COL4A1: variants seen among roughly 807,000 people sequenced by gnomAD.
COL4A1 encodes collagen type IV alpha 1 chain.
COL4A1 carries 40 observed loss-of-function variants against 216.6 expected under a neutral mutation model. The observed-to-expected ratio is 0.18, with a 90% CI of 0.14 to 0.24. The LOEUF (loss-of-function observed/expected upper bound fraction) is 0.24. Among genes scored for constraint, COL4A1 ranks in the 10% least tolerant of loss-of-function variants. The pLI, the probability that COL4A1 is intolerant of heterozygous loss-of-function variation, is 1.00. For missense variants in COL4A1, 1,628 were observed against 2,196.8 expected (o/e 0.74, Z 5.18); for synonymous variants, 839 against 810.7 (o/e 1.03, Z -0.59).
At chr13:110,225,281 CAATT>C (rs1297878256) in intron 2 of COL4A1, among the ~76,000 whole-genome samples, 4 of 152,160 alleles carry the variant, frequency 2.6e-5, no homozygotes, top group Admixed American at 6.5e-5. Context: ...GGTAGGTACT[CAATT>C]AATATTTTCA....
At chr13:110,155,557 T>G (rs1453451694) in intron 49 of COL4A1, among the ~76,000 whole-genome samples, 160 bp from the exon 50 acceptor site, 1 of 152,116 alleles carries the variant, frequency 6.6e-6, no homozygotes, top group Non-Finnish European at 1.5e-5. Flanking sequence ...GACTCTGAGG[T>G]TTAGTACCTC....
At chr13:110,161,870 T>C in intron 48 of COL4A1, 1 of 343,580 alleles carries the variant, frequency 2.9e-6, no homozygotes, top group East Asian at 6.9e-5. Context: ...ACCTTTTTTT[T>C]TACAAAGAGC....
intron 36 of COL4A1, among the ~76,000 whole-genome samples, chr13:110,175,954 G>A (rs574807290): frequency 2.6e-5 from 4 of 152,164 alleles, no homozygotes; most frequent in East Asian, 1.9e-4. Context: ...AGCCCTTCCC[G>A]CACTCTCCTC....
chr13:110,296,306 C>T (rs1480306736), intron 1 of COL4A1, among the ~76,000 whole-genome samples: 1 of 152,178 alleles, frequency 6.6e-6, no homozygotes. Flanking sequence ...AGAATTGTGC[C>T]CTCAAGAATT....
chr13:110,180,227 G>C (rs1878082234), intron 29 of COL4A1, among the ~76,000 whole-genome samples: 1 of 152,176 alleles, frequency 6.6e-6, no homozygotes, highest in Admixed American at 6.5e-5. Context: ...CATTCCATTA[G>C]GCATTTACTA....
In COL4A1 at chr13:110,152,395, T is replaced by C; in HGVS notation, c.4867A>G (p.Asn1623Asp). Reference sequence around the variant, plus strand: ...AAGCTGTAAGCGTTTGCGTAGTAATTGCAGGTCCCACGGCCGTGACACTCG... The same window carrying C: ...AAGCTGTAAGCGTTTGCGTAGTAATCGCAGGTCCCACGGCCGTGACACTCG... Reference protein sequence around the residue: ...FIECHGRGTCNYYANAYSFWL... With the variant: ...FIECHGRGTCDYYANAYSFWL... Residue 1623 changes from asparagine (N) to aspartate (D), a missense_variant, in exon 51 of 52, where the codon AAT (asparagine) becomes GAT (aspartate). By Grantham distance (23) the Asn-to-Asp change is conservative. This residue lies in a region of COL4A1 where 254 missense variants were observed against 300.1 expected (regional missense o/e 0.85). Coordinates refer to ENST00000375820, the MANE Select transcript of COL4A1 (RefSeq NM_001845.6). 2 of 1,614,192 alleles carry C rather than the reference T, an allele frequency of 1.2e-6. No homozygotes were observed. Among genetic ancestry groups the C allele is most frequent in the Non-Finnish European group, 1.7e-6 (2 of 1,180,042 alleles).
At chr13:110,280,631 A>T (rs1883594033) in intron 1 of COL4A1, among the ~76,000 whole-genome samples, 1 of 152,268 alleles carries the variant, frequency 6.6e-6, no homozygotes, top group African/African-American at 2.4e-5. Context: ...GGACAATCCC[A>T]CGCCTACATC....
At chr13:110,248,099 C>A (rs897534886) in intron 1 of COL4A1, among the ~76,000 whole-genome samples, 1 of 152,098 alleles carries the variant, frequency 6.6e-6, no homozygotes, top group Non-Finnish European at 1.5e-5. Flanking sequence ...AATTCTTTCT[C>A]GCATTCCCTA....
chr13:110,162,521 G>C, intron 47 of COL4A1, 79 bp from the exon 48 acceptor site: 2 of 1,094,192 alleles, frequency 1.8e-6, no homozygotes, highest in Admixed American at 3.6e-5. Context: ...TTTCTCCAAA[G>C]AGTTTTTAAT....
intron 1 of COL4A1, among the ~76,000 whole-genome samples, chr13:110,287,208 C>T (rs891649282): frequency 6.6e-6 from 1 of 152,200 alleles, no homozygotes; most frequent in African/African-American, 2.4e-5. Flanking sequence ...AGGGAAGGAA[C>T]GCCCTCATTT....
intron 18 of COL4A1, among the ~76,000 whole-genome samples, chr13:110,202,588 C>T (rs776007205): frequency 1.4e-4 from 22 of 151,968 alleles, no homozygotes; most frequent in Non-Finnish European, 1.8e-4. Context: ...GCTGTGTGAA[C>T]GCATTACCTG....
At chr13:110,166,155 C>G in intron 45 of COL4A1, 77 bp downstream of exon 45, 7 of 879,218 alleles carry the variant, frequency 8.0e-6, no homozygotes, top group Non-Finnish European at 1.4e-5. Context: ...ACCAAACACC[C>G]CAATTCTGTG....
At chr13:110,278,118 G>GT (rs1278246152) in intron 1 of COL4A1, among the ~76,000 whole-genome samples, 1 of 152,176 alleles carries the variant, frequency 6.6e-6, no homozygotes, top group East Asian at 1.9e-4. Flanking sequence ...GAAGAACTTA[G>GT]TAAGTTTCAA....
At chr13:110,236,589 G>A (rs1881327114) in intron 2 of COL4A1, among the ~76,000 whole-genome samples, 2 of 152,196 alleles carry the variant, frequency 1.3e-5, no homozygotes, top group Admixed American at 6.5e-5. Flanking sequence ...AAGAGAGGAC[G>A]TGTGAGAAGC....
At chr13:110,187,063 T>C in intron 25 of COL4A1, 75 bp downstream of exon 25, 1 of 1,544,818 alleles carries the variant, frequency 6.5e-7, no homozygotes, top group Non-Finnish European at 8.9e-7. Flanking sequence ...TCAATATGAT[T>C]CAAATTACTC....
chr13:110,208,823 A>C (rs1016402698), intron 12 of COL4A1, 26 bp downstream of exon 12: 4 of 1,613,662 alleles, frequency 2.5e-6, no homozygotes, highest in Non-Finnish European at 3.4e-6. Context: ...TCAACATGAA[A>C]GCACTCCAGA....
intron 1 of COL4A1, among the ~76,000 whole-genome samples, chr13:110,257,269 A>C (rs1454615092): frequency 6.6e-6 from 1 of 152,228 alleles, no homozygotes; most frequent in Non-Finnish European, 1.5e-5. Context: ...TGTGGAAGAG[A>C]TCCTGCGGCA....
intron 1 of COL4A1, among the ~76,000 whole-genome samples, chr13:110,280,615 G>T (rs1883593225): frequency 6.6e-6 from 1 of 152,246 alleles, no homozygotes; most frequent in African/African-American, 2.4e-5. Context: ...CACCTCTGAA[G>T]ACAGAGGACA....
chr13:110,198,764 T>C, intron 20 of COL4A1, 133 bp from the exon 21 acceptor site: 1 of 1,146,642 alleles, frequency 8.7e-7, no homozygotes, highest in Non-Finnish European at 1.3e-6. Context: ...GCTTTAGACA[T>C]GTAAAACCAA....
Sources: allele counts gnomAD v4.1 joint callset (sites outside exome capture counted in the v4.1 genomes callset), GRCh38; gene constraint gnomAD v4.1.1; regional missense constraint gnomAD v4.1.1; transcripts MANE v1.5; gene names NCBI Gene and HGNC (gene_info 2026-07-23, HGNC 2026-07-21).